ZNF695: variants seen among roughly 807,000 people sequenced by gnomAD.
ZNF695 encodes zinc finger protein SBZF3.
In ZNF695, 11 loss-of-function variants were observed where a neutral mutation model predicts 11.2. The observed-to-expected ratio is 0.98, with a 90% CI of 0.62 to 1.62. The LOEUF (loss-of-function observed/expected upper bound fraction) is 1.62. Among genes scored for constraint, ZNF695 ranks in the 40% most tolerant of loss-of-function variants. The probability of loss-of-function intolerance (pLI) is 0.00; values close to 1 mark genes in which losing one functional copy is unlikely to be tolerated. For synonymous variants in ZNF695, 190 were observed against 201.4 expected, an observed-to-expected ratio of 0.94 and a Z score of 0.48; for missense variants, 559 against 590.5, an observed-to-expected ratio of 0.95 and a Z score of 0.55.
rs768779847 is a variant in ZNF695, at chr1:246,987,857, C to A, written c.658G>T (p.Ala220Ser). Residue 220 changes from alanine (A) to serine (S), a missense_variant, in exon 4 of 4, where the codon GCC becomes TCC. By Grantham distance (99) the Ala-to-Ser change is moderately conservative. Transcript: ENST00000339986. ...NPYQCKKCGK[A>S]FNECSCFTDC... ...GTAAAGCATGAGCACTCATTAAAGG[C>A]TTTGCCACATTTTTTACATTGGTAC... 30 of 1,609,488 alleles carry A rather than the reference C, an allele frequency of 1.9e-5. No individual in the cohort carries two copies. The Middle Eastern group carries it at 5.0e-4, about 27-fold the overall frequency.
chr1:247,007,862 C>T, intron 1 of ZNF695, 44 bp downstream of exon 1: 1 of 1,523,778 alleles, frequency 6.6e-7, no homozygotes, highest in African/African-American at 1.4e-5. Context: ...CCGATTCCAA[C>T]CACCCCCTCT....
At position 246,987,139 on chromosome 1, in the gene ZNF695, G is replaced by A. The variant is rs776317170; in HGVS notation, c.1376C>T (p.Thr459Ile). 5 of 1,613,834 alleles carry A rather than the reference G, an allele frequency of 3.1e-6. No individual in the cohort carries two copies. The highest frequency in any genetic ancestry group is 2.2e-5 in the South Asian group (2 of 91,078). The change falls in exon 4 of 4, where the codon ACT becomes ATT. Residue 459 changes from threonine (T) to isoleucine (I), a missense_variant. Thr to Ile is a moderately conservative substitution (Grantham distance 89). Transcript: ENST00000339986. ...SYLTNHKRIH[T>I]GEKPYKCEEC... ...TTCACATTTGTAGGGTTTCTCTCCA[G>A]TATGAATTCTCTTATGATTAGTAAG...
intron 5 of ZNF695, among the ~76,000 whole-genome samples, chr1:246,955,551 G>C (rs568381265): frequency 6.6e-6 from 1 of 152,168 alleles, no homozygotes; most frequent in Non-Finnish European, 1.5e-5. Flanking sequence ...ATTCTACTCA[G>C]TATTGCTGAT....
At chr1:246,974,153 C>CAAAAAAAA (rs36072925) in intron 4 of ZNF695, among the ~76,000 whole-genome samples, 1 of 143,448 alleles carries the variant, frequency 7.0e-6, no homozygotes, top group Non-Finnish European at 1.5e-5. Context: ...AAAAAACAAA[C>CAAAAAAAA]AAACAAACAA....
At position 246,999,900 on chromosome 1, in the gene ZNF695, T is replaced by C. The variant is rs1452963725; in HGVS notation, c.166+12A>G. The C allele has an allele frequency of 6.2e-7, 1 of 1,610,764 alleles. No homozygotes were observed. The highest frequency in any genetic ancestry group is 8.5e-7 in the Non-Finnish European group (1 of 1,177,576). On this transcript the variant is annotated intron_variant, in intron 2 of 3. Transcript: ENST00000339986. ...GAAAACATTCTACAAAGGAAAAAGA[T>C]GAAATCCTTACTGTGAAATAGGAAT...
At chr1:247,005,129 G>A (rs1362283792) in intron 1 of ZNF695, among the ~76,000 whole-genome samples, 1 of 152,028 alleles carries the variant, frequency 6.6e-6, no homozygotes, top group African/African-American at 2.4e-5. Context: ...AATAGCCAAA[G>A]CCATCCTGAA....
downstream of ZNF695, among the ~76,000 whole-genome samples, chr1:246,983,131 G>A (rs1177599775): frequency 6.6e-6 from 1 of 151,722 alleles, no homozygotes; most frequent in African/African-American, 2.4e-5. Flanking sequence ...ATGAACCTGG[G>A]AGGCAGAGCT....
chr1:246,946,234 T>C (rs1322765337), intron 5 of ZNF695, among the ~76,000 whole-genome samples: 1 of 152,188 alleles, frequency 6.6e-6, no homozygotes, highest in Non-Finnish European at 1.5e-5. Context: ...TTCTGATTTT[T>C]CTTGAGTCTA....
Position 246,986,538 on chromosome 1 carries a change from G to GT in ZNF695, c.*428dup. On this transcript the variant is annotated 3_prime_UTR_variant, in exon 4 of 4. Coordinates refer to ENST00000339986, the MANE Select transcript of ZNF695 (RefSeq NM_020394.5). ...TATGAATTCTTGGATGTGTTTTGAT[G>GT]TAATTTTTGATTAGACATTTTTTCA... is the stretch of plus-strand genomic sequence containing the variant. The GT allele has an allele frequency of 1.0e-6, 1 of 990,686 alleles. No homozygotes were observed. Among genetic ancestry groups the GT allele is most frequent in the Non-Finnish European group, 1.2e-6 (1 of 833,500 alleles). 61.4% of individuals were successfully genotyped at this position (990,686 alleles called of 1,614,324 possible). A position where few individuals can be genotyped will look rare whatever the true frequency, so the allele number is the denominator to read the frequency against.
intron 5 of ZNF695, chr1:246,967,419 T>C (rs1191342767): frequency 2.2e-6 from 1 of 456,488 alleles, no homozygotes; most frequent in Non-Finnish European, 4.4e-6. Flanking sequence ...AGTTGAATTC[T>C]GGATATAGCT....
At chr1:246,994,661 C>A (rs1387608724) in intron 3 of ZNF695, among the ~76,000 whole-genome samples, 2 of 151,724 alleles carry the variant, frequency 1.3e-5, no homozygotes, top group Non-Finnish European at 2.9e-5. Flanking sequence ...CATGGTGAAA[C>A]CCCATCTCTA....
chr1:247,000,166 C>G (rs2103031776), intron 1 of ZNF695, 92 bp from the exon 2 acceptor site: 2 of 1,037,844 alleles, frequency 1.9e-6, no homozygotes, highest in East Asian at 5.1e-5. Context: ...CTGGCTCTGA[C>G]TTATATGAGT....
At chr1:246,951,695 A>G (rs79270029) in intron 5 of ZNF695, among the ~76,000 whole-genome samples, 2,752 of 152,290 alleles carry the variant, frequency 0.018, 44 homozygotes, top group African/African-American at 0.043. Flanking sequence ...AACGATCCAA[A>G]TTGTCAGGAA....
rs112657105 is a variant in ZNF695, at chr1:246,965,703, C to T, written c.488+1992G>A. Among the ~76,000 whole-genome samples, 636 of 151,832 alleles carry T rather than the reference C, an allele frequency of 4.2e-3. 4 individuals carry two copies. The highest frequency in any genetic ancestry group is 0.013 in the African/African-American group (552 of 41,404). On this transcript the variant is annotated intron_variant, in intron 5 of 5. Coordinates refer to the ZNF695 transcript ENST00000487338. ...AATGAGCTGAGATCGTTCCACCGTA[C>T]GACCATACGAGCTGAGATCGTGCCA...
intron 5 of ZNF695, among the ~76,000 whole-genome samples, chr1:246,963,755 AT>A (rs1388935221): frequency 1.3e-5 from 2 of 152,146 alleles, no homozygotes; most frequent in African/African-American, 2.4e-5. Flanking sequence ...ACACCGACCA[AT>A]TCTCCAACAC....
chr1:246,981,079 T>C (rs914032984), downstream of ZNF695, among the ~76,000 whole-genome samples: 1 of 152,152 alleles, frequency 6.6e-6, no homozygotes, highest in Non-Finnish European at 1.5e-5. Context: ...GGGGAAAATA[T>C]CTAAATATGT....
intron 4 of ZNF695, among the ~76,000 whole-genome samples, chr1:246,974,148 ACAAAC>A (rs1247176083): frequency 7.8e-6 from 1 of 128,916 alleles, no homozygotes; most frequent in African/African-American, 2.7e-5. Context: ...GGAATAAAAA[ACAAAC>A]AAACAAACAA....
At chr1:246,967,422 A>T (rs768599310) in intron 5 of ZNF695, 34 of 456,376 alleles carry the variant, frequency 7.4e-5, no homozygotes, top group Non-Finnish European at 1.3e-4. Context: ...TGAATTCTGG[A>T]TATAGCTTAA....
chr1:246,984,152 C>CA (rs11321674), downstream of ZNF695, among the ~76,000 whole-genome samples: 1,847 of 91,598 alleles, frequency 0.02, 71 homozygotes, highest in African/African-American at 0.069. Context: ...ACCATGTCTC[C>CA]AAAAAAAAAA....
Sources: gnomAD v4.1 joint callset for allele counts (sites outside exome capture counted in the v4.1 genomes callset) on GRCh38, gnomAD v4.1.1 for gene constraint, MANE v1.5 for transcripts, NCBI Gene and HGNC (gene_info 2026-07-23, HGNC 2026-07-21) for gene names.